The following C8orf74 variants were observed in gnomAD, a reference collection of about 807,000 sequenced individuals.
The protein encoded by C8orf74 is uncharacterized protein C8orf74.
C8orf74 carries 29 observed loss-of-function variants against 22.2 expected under a neutral mutation model. The ratio of observed to expected loss-of-function variants is 1.31; its 90% CI spans 0.97 to 1.78. The LOEUF (loss-of-function observed/expected upper bound fraction) is 1.78. Among genes scored for constraint, C8orf74 ranks in the 40% most tolerant of loss-of-function variants. The probability of loss-of-function intolerance (pLI) is 0.00; values close to 1 mark genes in which losing one functional copy is unlikely to be tolerated. For missense variants in C8orf74, 515 were observed against 369.9 expected, an observed-to-expected ratio of 1.39 and a Z score of -3.22; for synonymous variants, 255 against 163.1, an observed-to-expected ratio of 1.56 and a Z score of -4.30.
intron 2 of C8orf74, 33 bp from the exon 3 acceptor site, chr8:10,697,566 C>G (rs745674693): frequency 6.3e-7 from 1 of 1,595,404 alleles, no homozygotes; most frequent in Non-Finnish European, 8.5e-7. Flanking sequence ...CTCTGTCCCA[C>G]TCCCACTCTG....
intron 2 of C8orf74, among the ~76,000 whole-genome samples, chr8:10,685,863 A>AT (rs1186116866): frequency 6.6e-6 from 1 of 152,148 alleles, no homozygotes; most frequent in Non-Finnish European, 1.5e-5. Context: ...AGATAAGGAG[A>AT]TTGAGACCAT....
At chr8:10,677,349 A>T (rs1393238064) in intron 2 of C8orf74, among the ~76,000 whole-genome samples, 1 of 152,146 alleles carries the variant, frequency 6.6e-6, no homozygotes, top group Non-Finnish European at 1.5e-5. Context: ...ACATCTTTCC[A>T]TTTGGACTAG....
intron 2 of C8orf74, among the ~76,000 whole-genome samples, chr8:10,688,064 G>A (rs1446051637): frequency 6.6e-6 from 1 of 152,010 alleles, no homozygotes; most frequent in African/African-American, 2.4e-5. Flanking sequence ...AATTAGCCAG[G>A]CGTGGTAGTG....
chr8:10,684,756 T>A (rs982593819), intron 2 of C8orf74, among the ~76,000 whole-genome samples: 1 of 152,224 alleles, frequency 6.6e-6, no homozygotes, highest in African/African-American at 2.4e-5. Context: ...TTTTCTTTGT[T>A]TCCTTACGAA....
chr8:10,673,060 G>T (rs1402035537), intron 1 of C8orf74, among the ~76,000 whole-genome samples: 1 of 152,140 alleles, frequency 6.6e-6, no homozygotes, highest in Non-Finnish European at 1.5e-5. Context: ...TCTAGGGGGT[G>T]CTGTCTAGAT....
At chr8:10,677,680 G>T (rs1799062039) in intron 2 of C8orf74, among the ~76,000 whole-genome samples, 1 of 151,914 alleles carries the variant, frequency 6.6e-6, no homozygotes, top group African/African-American at 2.4e-5. Flanking sequence ...AGGTAGCCTT[G>T]TGTTTGCCAG....
chr8:10,683,902 A>G (rs974486207), intron 2 of C8orf74, among the ~76,000 whole-genome samples: 1 of 152,182 alleles, frequency 6.6e-6, no homozygotes, highest in Non-Finnish European at 1.5e-5. Context: ...TTGCACTGAA[A>G]GCTGCCTCTT....
intron 2 of C8orf74, among the ~76,000 whole-genome samples, chr8:10,695,133 A>G (rs547846945): frequency 6.6e-6 from 1 of 152,274 alleles, no homozygotes; most frequent in African/African-American, 2.4e-5. Flanking sequence ...TTGCAAAGGT[A>G]GAAATAAATT....
At chr8:10,681,556 G>T (rs1799148921) in intron 2 of C8orf74, among the ~76,000 whole-genome samples, 1 of 152,142 alleles carries the variant, frequency 6.6e-6, no homozygotes, top group Admixed American at 6.5e-5. Flanking sequence ...GGTGGGGACA[G>T]CCTCCCCTGC....
chr8:10,690,352 C>T (rs536860891), intron 2 of C8orf74, among the ~76,000 whole-genome samples: 1 of 152,262 alleles, frequency 6.6e-6, no homozygotes, highest in South Asian at 2.1e-4. Flanking sequence ...GGTACAGTCC[C>T]CGGCAGCCAG....
At position 10,698,022 on chromosome 8, in the gene C8orf74, C is replaced by A; in HGVS notation, c.648+17C>A. 15 of 1,451,602 alleles carry A rather than the reference C, an allele frequency of 1.0e-5. No homozygotes were observed. The highest frequency in any genetic ancestry group is 1.4e-5 in the African/African-American group (1 of 70,720). 89.9% of individuals were successfully genotyped at this position (1,451,602 alleles called of 1,614,324 possible). A position where few individuals can be genotyped will look rare whatever the true frequency, so the allele number is the denominator to read the frequency against. ...GAGAGACAGGTGAGGCTCTGCCCCC[C>A]TGCCGTGGGTGGGCACCTGGGCCTG... On this transcript the variant is annotated intron_variant, in intron 3 of 3. Transcript: ENST00000304519.
chr8:10,687,422 G>T (rs1586042203), intron 2 of C8orf74, among the ~76,000 whole-genome samples: 1 of 151,950 alleles, frequency 6.6e-6, no homozygotes, highest in African/African-American at 2.4e-5. Context: ...GGCCAAGGCG[G>T]GTGTATCACC....
Position 10,674,647 on chromosome 8 carries a change from G to T in C8orf74, c.50G>T (p.Arg17Ile), listed in dbSNP as rs763973384. The part of the protein sequence containing the change: ...QGVKEVFQLQ[R>I]PQGRERLRRL... ...CAGTTCCCATGTCATTCCCTGCAGAGACCACAAGGTCGGGAGCGCCTGCGG... is the reference window on the plus strand; with the variant it reads ...CAGTTCCCATGTCATTCCCTGCAGATACCACAAGGTCGGGAGCGCCTGCGG... Residue 17 changes from arginine to isoleucine, a missense_variant and splice_region_variant, in exon 2 of 4, where the codon AGA (arginine) becomes ATA (isoleucine). Physicochemically the swap from Arg to Ile is moderately conservative, Grantham distance 97. Coordinates refer to ENST00000304519, the MANE Select transcript of C8orf74 (RefSeq NM_001040032.2). The T allele has an allele frequency of 3.1e-6, 5 of 1,605,580 alleles. No individual in the cohort carries two copies. Among genetic ancestry groups the T allele is most frequent in the Admixed American group, 1.7e-5 (1 of 59,064 alleles).
At chr8:10,685,166 G>C (rs1043643362) in intron 2 of C8orf74, among the ~76,000 whole-genome samples, 2 of 152,214 alleles carry the variant, frequency 1.3e-5, no homozygotes, top group African/African-American at 4.8e-5. Flanking sequence ...TGGAGCTACA[G>C]TTAAGGGTGG....
In C8orf74 at chr8:10,697,922, C is replaced by T. The variant is rs1799564458; in HGVS notation, c.565C>T (p.Leu189=). 1 of 1,599,280 alleles carries T rather than the reference C, an allele frequency of 6.3e-7. No homozygotes were observed. The highest frequency in any genetic ancestry group is 1.7e-5 in the Admixed American group (1 of 59,076). The change falls in exon 3 of 4, where the codon CTG becomes TTG. Residue 189 remains leucine, a synonymous_variant. Coordinates refer to ENST00000304519, the MANE Select transcript of C8orf74 (RefSeq NM_001040032.2). ...RADVLLLKEA[L]RLERENSLQK... is the part of the protein sequence containing the mutation. ...CGACGTGCTGCTCCTGAAAGAGGCG[C>T]TGCGCCTGGAGCGGGAGAACTCGCT... is the stretch of plus-strand genomic sequence containing the variant.
At chr8:10,691,931 C>T (rs1325960291) in intron 2 of C8orf74, 1 of 152,416 alleles carries the variant, frequency 6.6e-6, no homozygotes, top group Non-Finnish European at 1.5e-5. Context: ...TGGGTGTGGC[C>T]CTGTGCACGC....
At chr8:10,673,221 C>T (rs1798954372) in intron 1 of C8orf74, among the ~76,000 whole-genome samples, 1 of 152,100 alleles carries the variant, frequency 6.6e-6, no homozygotes, top group African/African-American at 2.4e-5. Context: ...GAAAGCAACA[C>T]TCTTGCGTGT....
At chr8:10,673,069 A>C (rs1798951105) in intron 1 of C8orf74, among the ~76,000 whole-genome samples, 1 of 152,034 alleles carries the variant, frequency 6.6e-6, no homozygotes, top group African/African-American at 2.4e-5. Flanking sequence ...TGCTGTCTAG[A>C]TTAGGCAGAA....
At chr8:10,683,844 C>T (rs992422410) in intron 2 of C8orf74, among the ~76,000 whole-genome samples, 1 of 152,214 alleles carries the variant, frequency 6.6e-6, no homozygotes, top group African/African-American at 2.4e-5. Flanking sequence ...GAGAGAAGAC[C>T]TACTCTGCCA....
Sources: gnomAD v4.1 joint callset for allele counts (sites outside exome capture counted in the v4.1 genomes callset) on GRCh38, gnomAD v4.1.1 for gene constraint, MANE v1.5 for transcripts, NCBI Gene and HGNC (gene_info 2026-07-23, HGNC 2026-07-21) for gene names.